Variants in CSMD3 observed in about 807,000 individuals in gnomAD.
CSMD3 encodes the protein CUB and Sushi multiple domains 3.
Under a neutral mutation model 435.2 loss-of-function variants are expected in CSMD3, and 177 were observed. The observed-to-expected ratio is 0.41, with a 90% confidence interval of 0.36 to 0.46. The LOEUF is 0.46. Ranked by LOEUF, CSMD3 falls within the 20% of genes least tolerant of loss-of-function variation. The pLI, the probability that CSMD3 is intolerant of heterozygous loss-of-function variation, is 0.34. For synonymous variants in CSMD3, 1,656 were observed against 1,520.5 expected (o/e 1.09, Z -2.07); for missense variants, 4,265 against 4,504.6 (o/e 0.95, Z 1.52).
intron 10 of CSMD3, among the ~76,000 whole-genome samples, chr8:112,864,500 C>T (rs557291288): frequency 4.9e-4 from 74 of 152,252 alleles, no homozygotes; most frequent in Admixed American, 7.8e-4. Context: ...ATCAGCCCGC[C>T]TCAGCCTCCG....
At chr8:113,377,855 C>T (rs1219586817) in intron 1 of CSMD3, among the ~76,000 whole-genome samples, 1 of 152,022 alleles carries the variant, frequency 6.6e-6, no homozygotes, top group Non-Finnish European at 1.5e-5. Flanking sequence ...TTCAAAGTAG[C>T]ACCTGGATGA....
At chr8:112,570,337 T>C (rs1025363833) in intron 24 of CSMD3, among the ~76,000 whole-genome samples, 7 of 152,224 alleles carry the variant, frequency 4.6e-5, no homozygotes, top group African/African-American at 1.7e-4. Context: ...GATGCACATA[T>C]GTTCGCAAAC....
At chr8:112,273,018 G>A (rs973441430) in intron 59 of CSMD3, among the ~76,000 whole-genome samples, 3 of 152,034 alleles carry the variant, frequency 2.0e-5, no homozygotes, top group South Asian at 2.1e-4. Context: ...TATGCAATAC[G>A]ATATTTCTCT....
chr8:112,549,244 A>T (rs151060051), intron 27 of CSMD3, among the ~76,000 whole-genome samples: 1 of 152,164 alleles, frequency 6.6e-6, no homozygotes, highest in East Asian at 1.9e-4. Flanking sequence ...AATTGTTCCC[A>T]CTTAAAAAAA....
intron 3 of CSMD3, among the ~76,000 whole-genome samples, chr8:113,253,271 C>T (rs2093350167): frequency 6.6e-6 from 1 of 151,634 alleles, no homozygotes; most frequent in African/African-American, 2.4e-5. Context: ...GATACATGTG[C>T]ACAATGTGCA....
chr8:113,137,279 T>C (rs1178826534), intron 4 of CSMD3, among the ~76,000 whole-genome samples: 1 of 151,688 alleles, frequency 6.6e-6, no homozygotes, highest in Non-Finnish European at 1.5e-5. Context: ...CCTGGTATTG[T>C]CTAGAAATAG....
chr8:113,332,821 C>G (rs2132783687), intron 1 of CSMD3, among the ~76,000 whole-genome samples: 1 of 151,664 alleles, frequency 6.6e-6, no homozygotes, highest in South Asian at 2.1e-4. Flanking sequence ...GGAACCAAAA[C>G]AGCCAAAACA....
At chr8:112,722,989 A>AT (rs1188652256) in intron 13 of CSMD3, among the ~76,000 whole-genome samples, 9 of 151,936 alleles carry the variant, frequency 5.9e-5, no homozygotes, top group South Asian at 4.2e-4. Context: ...TAGATGACAT[A>AT]TTTTTGTGAG....
At chr8:112,572,235 G>A (rs1276301510) in intron 24 of CSMD3, among the ~76,000 whole-genome samples, 1 of 151,926 alleles carries the variant, frequency 6.6e-6, no homozygotes, top group Non-Finnish European at 1.5e-5. Context: ...TCCTTAGGAA[G>A]ACTCATAAGA....
chr8:112,669,632 A>T (rs2075610295), intron 16 of CSMD3, among the ~76,000 whole-genome samples: 1 of 152,176 alleles, frequency 6.6e-6, no homozygotes, highest in Non-Finnish European at 1.5e-5. Flanking sequence ...GAAAGCAAAA[A>T]GGGGACCAAG....
At chr8:112,925,567 A>G (rs911423665) in intron 9 of CSMD3, among the ~76,000 whole-genome samples, 1 of 151,080 alleles carries the variant, frequency 6.6e-6, no homozygotes, top group African/African-American at 2.4e-5. Context: ...AAAAAAAATT[A>G]AATATTTTCA....
rs1422091072 is a variant in CSMD3, at chr8:113,358,217, G to A, written c.179-43424C>T. Among the ~76,000 whole-genome samples, 2 of 152,168 alleles carry A rather than the reference G, an allele frequency of 1.3e-5. 1 individual carries two copies. The highest frequency in any genetic ancestry group is 4.8e-5 in the African/African-American group (2 of 41,432). ...ATTAAGTTGAAACACTTATTAAATT[G>A]TAATACAACTAAATTATTTCTCTAG... On this transcript the variant is annotated intron_variant, in intron 1 of 70. Transcript: ENST00000297405.
At chr8:112,577,304 T>C (rs1285364794) in intron 23 of CSMD3, among the ~76,000 whole-genome samples, 1 of 152,048 alleles carries the variant, frequency 6.6e-6, no homozygotes, top group Non-Finnish European at 1.5e-5. Context: ...AAATTACTTT[T>C]AAAGTGGTCA....
At chr8:112,598,847 A>C (rs533942014) in intron 22 of CSMD3, among the ~76,000 whole-genome samples, 1 of 152,226 alleles carries the variant, frequency 6.6e-6, no homozygotes, top group Non-Finnish European at 1.5e-5. Context: ...TCCCCTCCTT[A>C]CACCTTATAC....
chr8:113,328,691 A>G (rs1395846491), intron 1 of CSMD3, among the ~76,000 whole-genome samples: 2 of 134,450 alleles, frequency 1.5e-5, no homozygotes, highest in African/African-American at 5.7e-5. Context: ...TATTTAAAAT[A>G]CCATGTTTTC....
rs888864242 is a variant in CSMD3, at chr8:113,173,493, T to C, written c.709+229A>G. 2.2e-4 allele frequency among the ~76,000 whole-genome samples: 34 copies of C among 152,026 alleles called. 1 individual carries two copies. Among genetic ancestry groups the C allele is most frequent in the Admixed American group, 1.9e-3 (29 of 15,252 alleles). On this transcript the variant is annotated intron_variant, in intron 4 of 70. Coordinates refer to ENST00000297405, the MANE Select transcript of CSMD3 (RefSeq NM_198123.2). ...TCCACTACCACACATGGCCAATTTTTGTATTTTTAGTAAAGATGGGGCTTC... is the reference window on the plus strand; with the variant it reads ...TCCACTACCACACATGGCCAATTTTCGTATTTTTAGTAAAGATGGGGCTTC...
chr8:112,965,090 C>A (rs2130881965), intron 7 of CSMD3, among the ~76,000 whole-genome samples: 1 of 152,106 alleles, frequency 6.6e-6, no homozygotes, highest in South Asian at 2.1e-4. Flanking sequence ...AATGTCTCTA[C>A]ATAGGACCAT....
At chr8:113,018,801 AT>A in intron 6 of CSMD3, 1 of 436,772 alleles carries the variant, frequency 2.3e-6, no homozygotes, top group Non-Finnish European at 4.1e-6. Flanking sequence ...GAAGCACTTT[AT>A]TAAAGAAAAA....
At chr8:112,960,468 T>A (rs2084186381) in intron 7 of CSMD3, among the ~76,000 whole-genome samples, 1 of 151,788 alleles carries the variant, frequency 6.6e-6, no homozygotes, top group Non-Finnish European at 1.5e-5. Flanking sequence ...ACTAGAGGTA[T>A]CCTGCAACAA....
Sources: allele counts gnomAD v4.1 joint callset (sites outside exome capture counted in the v4.1 genomes callset), GRCh38; gene constraint gnomAD v4.1.1; transcripts MANE v1.5; gene names NCBI Gene and HGNC (gene_info 2026-07-23, HGNC 2026-07-21).